PLXNA1: variants seen among roughly 807,000 people sequenced by gnomAD.
PLXNA1 encodes the protein plexin-A1.
Under a neutral mutation model 191.7 loss-of-function variants are expected in PLXNA1, and 77 were observed. The observed-to-expected ratio is 0.40, with a 90% confidence interval of 0.33 to 0.49. PLXNA1 has a LOEUF of 0.49. Among genes scored for constraint, PLXNA1 ranks in the 20% least tolerant of loss-of-function variants. The pLI is 0.63. For synonymous variants in PLXNA1, 1,137 were observed against 1,156.4 expected (o/e 0.98, Z 0.34); for missense variants, 2,110 against 2,660.2 (o/e 0.79, Z 4.55).
At chr3:127,030,552 C>G (rs977498154) in intron 29 of PLXNA1, 140 bp downstream of exon 29, 23 of 1,044,950 alleles carry the variant, frequency 2.2e-5, no homozygotes, top group Non-Finnish European at 3.2e-5. Flanking sequence ...GCATGGCGGG[C>G]CAGTCCTGTG....
intron 29 of PLXNA1, 93 bp downstream of exon 29, chr3:127,030,505 T>C: frequency 2.0e-6 from 3 of 1,483,140 alleles, no homozygotes; most frequent in South Asian, 1.3e-5. Context: ...GAGCCCCCAC[T>C]TGGGGCTCCC....
rs1040176496 is a variant in PLXNA1, at chr3:127,030,479, G to A, written c.5231+67G>A. On this transcript the variant is annotated intron_variant, in intron 29 of 31. Transcript: ENST00000393409. ...GGCCAGATGTGTTCCCAGGGCCCTC[G>A]CCCTGTTCTGATCCGGAGCCCCCAC... The A allele has an allele frequency of 1.8e-5, 29 of 1,571,302 alleles. No homozygotes were observed. In the African/African-American group the frequency reaches 2.7e-4, roughly 15 times the overall value.
rs758044637 is a variant in PLXNA1 at position 127,005,124 on chromosome 3, C to T, written c.1778C>T (p.Ser593Leu). ...CAGGCCTGGAACGTGCCTGACCTCT[C>T]AGCTGGCGTCAACTGCTCCTTCGAG... is the stretch of plus-strand genomic sequence containing the variant. ...VLQAWNVPDL[S>L]AGVNCSFEDF... Residue 593 changes from serine to leucine, a missense_variant, in exon 7 of 32, where the codon TCA (serine) becomes TTA (leucine). Physicochemically the swap from Ser to Leu is moderately radical, Grantham distance 145. Transcript: ENST00000393409. 6.2e-7 allele frequency: 1 copy of T among 1,612,784 alleles called. No individual in the cohort carries two copies. Among genetic ancestry groups the T allele is most frequent in the Admixed American group, 1.7e-5 (1 of 60,008 alleles).
intron 23 of PLXNA1, among the ~76,000 whole-genome samples, chr3:127,026,144 A>T (rs566007116): frequency 6.6e-6 from 1 of 152,244 alleles, no homozygotes; most frequent in Admixed American, 6.5e-5. Flanking sequence ...TGCACGAGAG[A>T]TTGAGGCTGC....
chr3:127,000,458 C>T (rs2079034831), intron 3 of PLXNA1, among the ~76,000 whole-genome samples: 1 of 152,154 alleles, frequency 6.6e-6, no homozygotes, highest in South Asian at 2.1e-4. Flanking sequence ...GCCCTTCTGT[C>T]CTGCCACCCG....
At chr3:127,030,653 G>C (rs1352117258) in intron 29 of PLXNA1, among the ~76,000 whole-genome samples, 1 of 152,232 alleles carries the variant, frequency 6.6e-6, no homozygotes, top group Non-Finnish European at 1.5e-5. Flanking sequence ...TGCAGGAACT[G>C]TGTGCAGGTG....
chr3:126,992,310 G>A (rs2078994658), intron 3 of PLXNA1, among the ~76,000 whole-genome samples: 1 of 152,124 alleles, frequency 6.6e-6, no homozygotes, highest in African/African-American at 2.4e-5. Flanking sequence ...CTGAAGGGTG[G>A]GGATACTTGG....
rs1344458519 is a variant in PLXNA1, at chr3:126,983,342, C to G, written c.-74+55C>G. Among the ~76,000 whole-genome samples the G allele has an allele frequency of 3.5e-5, 5 of 142,360 alleles. No individual in the cohort carries two copies. In the South Asian group the frequency reaches 6.5e-4, roughly 18 times the overall value. 93.4% of individuals were successfully genotyped at this position (142,360 alleles called of 152,430 possible). A position where few individuals can be genotyped will look rare whatever the true frequency, so the allele number is the denominator to read the frequency against. On this transcript the variant is annotated intron_variant, in intron 1 of 31. Coordinates refer to ENST00000393409, the MANE Select transcript of PLXNA1 (RefSeq NM_032242.4). The stretch of plus-strand genomic sequence containing the variant: ...GCGGGACGGTGGGCGGGGGCCGGGC[C>G]GGGCTGGGGTCCGGGGCCGGGCGGC...
rs2079215116 is a variant in PLXNA1, at chr3:127,032,247, C to T, written c.5232-140C>T. 3 of 795,932 alleles carry T rather than the reference C, an allele frequency of 3.8e-6. No individual in the cohort carries two copies. In the South Asian group the frequency reaches 5.3e-5, roughly 14 times the overall value. 49.3% of individuals were successfully genotyped at this position (795,932 alleles called of 1,614,324 possible). ...GGACGGCCTTCACTTAACCATGGGCCCTGCACCTCTGTGGGCCTCGTTTCC... is the reference window on the plus strand; with the variant it reads ...GGACGGCCTTCACTTAACCATGGGCTCTGCACCTCTGTGGGCCTCGTTTCC... On this transcript the variant is annotated intron_variant, in intron 29 of 31. Coordinates refer to ENST00000393409, the MANE Select transcript of PLXNA1 (RefSeq NM_032242.4).
At chr3:126,998,148 G>A (rs961849338) in intron 3 of PLXNA1, among the ~76,000 whole-genome samples, 3 of 152,226 alleles carry the variant, frequency 2.0e-5, no homozygotes, top group Non-Finnish European at 4.4e-5. Context: ...GGTGCCCCCC[G>A]TGGATGCTGG....
rs1162460894 is a variant in PLXNA1, at chr3:127,030,920, C to T, written c.5231+508C>T. On this transcript the variant is annotated intron_variant, in intron 29 of 31. Coordinates refer to ENST00000393409, the MANE Select transcript of PLXNA1 (RefSeq NM_032242.4). ...CTCACGGAGCAGCTGGAGTACGGAG[C>T]AGGGCCTGCCCAGCCTGCACCGTGC... Among the ~76,000 whole-genome samples, 4 of 152,294 alleles carry T rather than the reference C, an allele frequency of 2.6e-5. No individual in the cohort carries two copies. The East Asian group carries it at 5.8e-4, about 22-fold the overall frequency.
At chr3:127,006,315 G>T in intron 8 of PLXNA1, 137 bp downstream of exon 8, 1 of 707,272 alleles carries the variant, frequency 1.4e-6, no homozygotes, top group Non-Finnish European at 2.5e-6. Context: ...CCATGATTGG[G>T]GCTCCTGAGG....
chr3:126,992,783 G>T lies in PLXNA1; in HGVS notation c.1377+1217G>T, dbSNP rs1158891428. Among the ~76,000 whole-genome samples, 5 of 152,134 alleles carry T rather than the reference G, an allele frequency of 3.3e-5. No individual in the cohort carries two copies. In the East Asian group the frequency reaches 9.7e-4, roughly 30 times the overall value. On this transcript the variant is annotated intron_variant, in intron 3 of 31. Coordinates refer to ENST00000393409, the MANE Select transcript of PLXNA1 (RefSeq NM_032242.4). ...GGAAAGTCCTGTGACCCCTGAGTTG[G>T]GTCCTCTGCTGTGACTTCCCTCTTG...
At chr3:127,030,484 G>A in intron 29 of PLXNA1, 72 bp downstream of exon 29, 1 of 1,555,814 alleles carries the variant, frequency 6.4e-7, no homozygotes, top group Non-Finnish European at 8.7e-7. Context: ...CCCTCGCCCT[G>A]TTCTGATCCG....
At chr3:127,029,311 A>G in intron 26 of PLXNA1, 129 bp from the exon 27 acceptor site, 1 of 920,884 alleles carries the variant, frequency 1.1e-6, no homozygotes. Flanking sequence ...ATAGAGTTCC[A>G]GACTGAGTGA....
intron 3 of PLXNA1, among the ~76,000 whole-genome samples, chr3:126,995,857 G>C (rs2079012630): frequency 1.3e-5 from 2 of 152,282 alleles, no homozygotes; most frequent in Admixed American, 1.3e-4. Context: ...GGTGCATCTG[G>C]GCATACCCCA....
Position 127,014,515 on chromosome 3 carries a change from G to T in PLXNA1, c.2642G>T (p.Arg881Leu). 1 of 1,608,076 alleles carries T rather than the reference G, an allele frequency of 6.2e-7. No homozygotes were observed. The highest frequency in any genetic ancestry group is 1.1e-5 in the South Asian group (1 of 91,066). The part of the protein sequence containing the change: ...PETGPRQGGT[R>L]LTITGENLGL... ...ACGGGCCCGAGGCAGGGCGGCACGCGGCTCACTATCACAGGCGAGAACCTG... is the reference window on the plus strand; with the variant it reads ...ACGGGCCCGAGGCAGGGCGGCACGCTGCTCACTATCACAGGCGAGAACCTG... The change falls in exon 13 of 32, where the codon CGG (arginine) becomes CTG (leucine). Residue 881 changes from arginine to leucine, a missense_variant. This residue lies in a region of PLXNA1 where 644 missense variants were observed against 714.3 expected (regional missense o/e 0.90). Transcript: ENST00000393409.
At chr3:127,013,114 G>A (rs969709045) in intron 10 of PLXNA1, among the ~76,000 whole-genome samples, 4 of 152,292 alleles carry the variant, frequency 2.6e-5, no homozygotes, top group South Asian at 4.1e-4. Context: ...CCTGGGGCAG[G>A]TTGGGTTGCA....
intron 3 of PLXNA1, among the ~76,000 whole-genome samples, chr3:127,002,207 G>A (rs779711047): frequency 9.2e-5 from 14 of 152,350 alleles, no homozygotes; most frequent in East Asian, 3.9e-4. Flanking sequence ...CATCCTGGCC[G>A]CCTCTTCCCC....
Sources: gnomAD v4.1 joint callset for allele counts (sites outside exome capture counted in the v4.1 genomes callset) on GRCh38, gnomAD v4.1.1 for gene constraint, gnomAD v4.1.1 regional missense constraint, MANE v1.5 for transcripts, NCBI Gene and HGNC (gene_info 2026-07-23, HGNC 2026-07-21) for gene names.